BIN2: variants seen among roughly 807,000 people sequenced by gnomAD.
BIN2 encodes the protein breast cancer associated protein BRAP1.
Under a neutral mutation model 67.9 loss-of-function variants are expected in BIN2, and 43 were observed. The ratio of observed to expected loss-of-function variants is 0.63; its 90% CI spans 0.50 to 0.82. The LOEUF is 0.82. BIN2 is among the 40% of genes least tolerant of loss of function. The probability of loss-of-function intolerance (pLI) is 0.00; values close to 1 mark genes in which losing one functional copy is unlikely to be tolerated. For missense variants in BIN2, 581 were observed against 671.6 expected (o/e 0.87, Z 1.49); for synonymous variants, 244 against 246.8 (o/e 0.99, Z 0.11).
rs1307001718 is a variant in BIN2, at chr12:51,313,488, A to G, written c.162+335T>C. ...CGAGTAGCTGGGATTACAGGTGCAC[A>G]CTACCATGCCCAGCTAATTTTTTTG... On this transcript the variant is annotated intron_variant, in intron 2 of 12. Transcript: ENST00000615107. 2.6e-5 allele frequency among the ~76,000 whole-genome samples: 4 copies of G among 151,780 alleles called. No individual in the cohort carries two copies. In the East Asian group the frequency reaches 7.8e-4, roughly 29 times the overall value.
At position 51,324,111 on chromosome 12, in the gene BIN2, C is replaced by T. The variant is rs1946368952; in HGVS notation, c.-9G>A. The T allele has an allele frequency of 1.9e-6, 3 of 1,612,676 alleles. No homozygotes were observed. The highest frequency in any genetic ancestry group is 2.5e-6 in the Non-Finnish European group (3 of 1,179,436). ...GCCTTGCCCTCTGCCATCCTGCCAA[C>T]TCCCTGGGGGCCGCCGCCCTGGCCC... On this transcript the variant is annotated 5_prime_UTR_variant, in exon 1 of 13. Coordinates refer to ENST00000615107, the MANE Select transcript of BIN2 (RefSeq NM_016293.4).
At chr12:51,298,619 T>C (rs1162496335) in intron 7 of BIN2, among the ~76,000 whole-genome samples, 2 of 152,024 alleles carry the variant, frequency 1.3e-5, no homozygotes, top group Non-Finnish European at 2.9e-5. Context: ...TCACATAATG[T>C]TTTAGAATAC....
intron 7 of BIN2, chr12:51,297,426 G>C (rs1255138187): frequency 3.5e-6 from 1 of 286,914 alleles, no homozygotes; most frequent in African/African-American, 2.2e-5. Context: ...AATTAGCCGG[G>C]CGTGGTGGCA....
At chr12:51,301,942 T>A in intron 5 of BIN2, 78 bp downstream of exon 5, 1 of 1,004,092 alleles carries the variant, frequency 1.0e-6, no homozygotes, top group Non-Finnish European at 1.6e-6. Context: ...CTAATTCTAC[T>A]TATAATGCTT....
intron 6 of BIN2, 71 bp downstream of exon 6, chr12:51,299,536 C>G (rs1945661902): frequency 6.9e-7 from 1 of 1,439,540 alleles, no homozygotes. Context: ...TTGGCCCAGC[C>G]ACCTGCTACC....
intron 1 of BIN2, among the ~76,000 whole-genome samples, chr12:51,320,603 C>G (rs982747561): frequency 2.0e-5 from 3 of 151,058 alleles, no homozygotes; most frequent in African/African-American, 7.3e-5. Context: ...AGACCTGCAT[C>G]TCTCAGGTCA....
intron 1 of BIN2, among the ~76,000 whole-genome samples, chr12:51,317,516 A>G (rs1249994158): frequency 5.3e-5 from 8 of 152,034 alleles, no homozygotes; most frequent in Admixed American, 5.2e-4. Flanking sequence ...AAATACAAAA[A>G]AAATTAGCTG....
intron 1 of BIN2, chr12:51,322,683 T>G (rs987268955): frequency 1.3e-5 from 2 of 152,110 alleles, no homozygotes; most frequent in African/African-American, 4.8e-5. Context: ...GAGCTAGACC[T>G]TCCCATAGGC....
chr12:51,284,854 T>C (rs1945199316), intron 11 of BIN2, 67 bp from the exon 12 acceptor site: 3 of 1,142,736 alleles, frequency 2.6e-6, no homozygotes, highest in Non-Finnish European at 4.0e-6. Flanking sequence ...CATAGAAGTG[T>C]CTTCTGTGCC....
upstream of BIN2, chr12:51,324,213 G>A (rs917425686): frequency 1.3e-6 from 2 of 1,494,280 alleles, no homozygotes; most frequent in Non-Finnish European, 1.8e-6. Flanking sequence ...CCCCAGCCCT[G>A]AGCCACCTCA....
In BIN2 at chr12:51,291,778, C is replaced by A. The variant is rs897231450; in HGVS notation, c.1328G>T (p.Gly443Val). ...IPSSPTASGG[G>V]SPTSPRASLG... Reference sequence around the variant, plus strand: ...GGAGGCCCTAGGGCTGGTGGGTGAACCCCCTCCAGAGGCTGTAGGGCTGGA... The same window carrying A: ...GGAGGCCCTAGGGCTGGTGGGTGAAACCCCTCCAGAGGCTGTAGGGCTGGA... Residue 443 changes from glycine to valine, a missense_variant, in exon 10 of 13, where the codon GGT becomes GTT. Coordinates refer to ENST00000615107, the MANE Select transcript of BIN2 (RefSeq NM_016293.4). The A allele has an allele frequency of 6.2e-7, 1 of 1,613,520 alleles. No homozygotes were observed. The highest frequency in any genetic ancestry group is 8.5e-7 in the Non-Finnish European group (1 of 1,179,722).
rs149029721 is a variant in BIN2, at chr12:51,305,064, C to T, written c.163-1923G>A. Among the ~76,000 whole-genome samples, 1,430 of 151,986 alleles carry T rather than the reference C, an allele frequency of 9.4e-3. 30 individuals are homozygous for T. Among genetic ancestry groups the T allele is most frequent in the African/African-American group, 0.032 (1,345 of 41,424 alleles). On this transcript the variant is annotated intron_variant, in intron 2 of 12. Coordinates refer to ENST00000615107, the MANE Select transcript of BIN2 (RefSeq NM_016293.4). ...GTATAAAAAAGTATGGGGCCAGGCA[C>T]GGTGGCTCACGCCTGTAATCCCAGC...
At chr12:51,313,587 C>T (rs936690600) in intron 2 of BIN2, among the ~76,000 whole-genome samples, 37 of 152,010 alleles carry the variant, frequency 2.4e-4, no homozygotes, top group African/African-American at 5.8e-4. Context: ...GTGATCCGCC[C>T]GCCTCGCCCT....
In BIN2 at chr12:51,317,293, C is replaced by A. The variant is rs372063255; in HGVS notation, c.82-3390G>T. On this transcript the variant is annotated intron_variant, in intron 1 of 12. Transcript: ENST00000615107. ...GGAACTAGATATTTAATAATTGTAA[C>A]AGGAAGGAGAGTAAGACTGATCTAG... Among the ~76,000 whole-genome samples the A allele has an allele frequency of 1.1e-4, 17 of 152,234 alleles. No homozygotes were observed. The East Asian group carries it at 2.9e-3, about 26-fold the overall frequency.
At chr12:51,285,625 T>C (rs1356858731) in intron 11 of BIN2, among the ~76,000 whole-genome samples, 5 of 89,184 alleles carry the variant, frequency 5.6e-5, no homozygotes, top group African/African-American at 1.7e-4. Context: ...TTTCTTTCTT[T>C]CTTTTTTTTT....
rs1031506424 is a variant in BIN2 at position 51,320,936 on chromosome 12, A to ACACAC, written c.81+3085_81+3086insGTGTG. On this transcript the variant is annotated intron_variant, in intron 1 of 12. Transcript: ENST00000615107. ...AAATGAGAAGATGTATCATACTAAAAACACACACACACACACAAACACACA... is the reference window on the plus strand; with the variant it reads ...AAATGAGAAGATGTATCATACTAAAACACACACACACACACACACACAAACACACA... Among the ~76,000 whole-genome samples the ACACAC allele has an allele frequency of 7.2e-3, 1,006 of 138,810 alleles. 28 individuals carry two copies. Among genetic ancestry groups the ACACAC allele is most frequent in the Non-Finnish European group, 8.3e-3 (534 of 63,972 alleles). 91.1% of individuals were successfully genotyped at this position (138,810 alleles called of 152,430 possible).
At chr12:51,289,894 C>T (rs1239424961) in intron 10 of BIN2, among the ~76,000 whole-genome samples, 1 of 151,698 alleles carries the variant, frequency 6.6e-6, no homozygotes, top group Non-Finnish European at 1.5e-5. Context: ...TGAGTTCCTG[C>T]TTCTAGGTCT....
chr12:51,315,342 T>A (rs1466372090), intron 1 of BIN2, among the ~76,000 whole-genome samples: 2 of 152,128 alleles, frequency 1.3e-5, no homozygotes, highest in African/African-American at 4.8e-5. Flanking sequence ...GACTAAGTTT[T>A]TTTGTATTTT....
At chr12:51,288,751 CT>C (rs11286254) in intron 10 of BIN2, among the ~76,000 whole-genome samples, 110,816 of 141,438 alleles carry the variant, frequency 0.78, 44,236 homozygotes, top group South Asian at 0.9. Flanking sequence ...TATCCTAGAT[CT>C]TTTTTTTTTT....
Sources: gnomAD v4.1 joint callset for allele counts (sites outside exome capture counted in the v4.1 genomes callset) on GRCh38, gnomAD v4.1.1 for gene constraint, MANE v1.5 for transcripts, NCBI Gene and HGNC (gene_info 2026-07-23, HGNC 2026-07-21) for gene names.